Variants in TMEM132E observed in about 807,000 individuals in gnomAD.
TMEM132E encodes transmembrane protein 132E.
A neutral mutation model predicts 78.5 loss-of-function variants in TMEM132E; 49 were observed. That is an observed-to-expected ratio of 0.62 (90% confidence interval 0.50 to 0.79). The LOEUF (loss-of-function observed/expected upper bound fraction) is 0.79, where lower values mean the gene tolerates loss of function less well. Ranked by LOEUF, TMEM132E falls within the 30% of genes least tolerant of loss-of-function variation. The probability of loss-of-function intolerance (pLI) is 0.00; values close to 1 mark genes in which losing one functional copy is unlikely to be tolerated. For synonymous variants in TMEM132E, 715 were observed against 670.6 expected (o/e 1.07, Z -1.02); for missense variants, 1,403 against 1,470.9 (o/e 0.95, Z 0.75).
In TMEM132E at chr17:34,632,788, G is replaced by T. The variant is rs746220341; in HGVS notation, c.1567G>T (p.Val523Phe). The T allele has an allele frequency of 6.2e-7, 1 of 1,614,026 alleles. No individual in the cohort carries two copies. The highest frequency in any genetic ancestry group is 8.5e-7 in the Non-Finnish European group (1 of 1,180,044). ...CGCCAGGGTCACCTTCCGCTACGACGTCCTCAATGCTCCCCTGGAAATGAC... is the reference window on the plus strand; with the variant it reads ...CGCCAGGGTCACCTTCCGCTACGACTTCCTCAATGCTCCCCTGGAAATGAC... ...MNARVTFRYD[V>F]LNAPLEMTVW... The change falls in exon 6 of 9, where the codon GTC becomes TTC. Residue 523 changes from valine to phenylalanine, a missense_variant. This residue lies in a region of TMEM132E where 888 missense variants were observed against 952.8 expected (regional missense o/e 0.93). Transcript: ENST00000631683.
In TMEM132E at chr17:34,638,418, T is replaced by C; in HGVS notation, c.*186T>C. 4 of 616,482 alleles carry C rather than the reference T, an allele frequency of 6.5e-6. No individual in the cohort carries two copies. Among genetic ancestry groups the C allele is most frequent in the Non-Finnish European group, 2.7e-6 (1 of 370,584 alleles). 38.2% of individuals were successfully genotyped at this position (616,482 alleles called of 1,614,324 possible). ...CTGGGCCTTCCCTCGCCTCACGCCA[T>C]TACCCTCTTCTGCCCCCTGCAGGTG... On this transcript the variant is annotated 3_prime_UTR_variant, in exon 9 of 9. Transcript: ENST00000631683.
At chr17:34,581,180 G>T in intron 1 of TMEM132E, 37 bp downstream of exon 1, 1 of 1,487,558 alleles carries the variant, frequency 6.7e-7, no homozygotes, top group Non-Finnish European at 8.9e-7. Flanking sequence ...TGAGGATGCG[G>T]CAGGCGCCAC....
intron 1 of TMEM132E, among the ~76,000 whole-genome samples, chr17:34,607,936 C>G (rs1263721060): frequency 6.6e-6 from 1 of 152,082 alleles, no homozygotes. Context: ...ACCTCCAAAC[C>G]CCGTAGTTTA....
chr17:34,612,696 T>C (rs1906631274), intron 1 of TMEM132E, among the ~76,000 whole-genome samples: 1 of 152,054 alleles, frequency 6.6e-6, no homozygotes, highest in Admixed American at 6.5e-5. Flanking sequence ...CCAGCTCAGG[T>C]CTGGGATCAT....
At chr17:34,636,466 C>T (rs1907524834) in intron 8 of TMEM132E, among the ~76,000 whole-genome samples, 1 of 152,318 alleles carries the variant, frequency 6.6e-6, no homozygotes, top group South Asian at 2.1e-4. Flanking sequence ...GTCACCTCCA[C>T]ATCACCCCCA....
intron 1 of TMEM132E, among the ~76,000 whole-genome samples, chr17:34,625,875 G>A (rs998416386): frequency 2.6e-5 from 4 of 152,234 alleles, no homozygotes; most frequent in Non-Finnish European, 5.9e-5. Context: ...CTATGTCGCA[G>A]GTAAATAAAT....
Position 34,629,108 on chromosome 17 carries a change from C to A in TMEM132E, c.1242C>A (p.Asp414Glu). ...AGCGGAGGATCATGTGGCACATTGA[C>A]TACCGTGGCCACGGCGCCCTGCCTG... ...SVKRRIMWHI[D>E]YRGHGALPDL... is the part of the protein sequence containing the mutation. The change falls in exon 4 of 9, where the codon GAC becomes GAA. Residue 414 changes from aspartate (D) to glutamate (E), a missense_variant. By Grantham distance (45) the Asp-to-Glu change is conservative (BLOSUM62 2). Around this residue, in one of 3 missense-constraint regions of TMEM132E, gnomAD observed 888 missense variants for 952.8 expected, o/e 0.93. Coordinates refer to ENST00000631683, the MANE Select transcript of TMEM132E (RefSeq NM_001304438.2). 6.2e-7 allele frequency: 1 copy of A among 1,613,048 alleles called. No homozygotes were observed. The highest frequency in any genetic ancestry group is 8.5e-7 in the Non-Finnish European group (1 of 1,179,416).
intron 1 of TMEM132E, among the ~76,000 whole-genome samples, chr17:34,593,981 C>G (rs936700792): frequency 6.6e-6 from 1 of 152,182 alleles, no homozygotes; most frequent in Non-Finnish European, 1.5e-5. Context: ...GCCCTTGCTG[C>G]CCCTCGAATA....
chr17:34,601,215 C>T (rs540452376), intron 1 of TMEM132E, among the ~76,000 whole-genome samples: 11 of 152,324 alleles, frequency 7.2e-5, no homozygotes, highest in South Asian at 2.1e-4. Flanking sequence ...AGAAGCAGAG[C>T]GGGTCCAGAG....
In TMEM132E at chr17:34,638,360, C is replaced by G. The variant is rs1567723367; in HGVS notation, c.*128C>G. 4.6e-6 allele frequency: 5 copies of G among 1,085,730 alleles called. No homozygotes were observed. The East Asian group carries it at 1.3e-4, about 29-fold the overall frequency. 67.3% of individuals were successfully genotyped at this position (1,085,730 alleles called of 1,614,324 possible). A position where few individuals can be genotyped will look rare whatever the true frequency, so the allele number is the denominator to read the frequency against. On this transcript the variant is annotated 3_prime_UTR_variant, in exon 9 of 9. Transcript: ENST00000631683. ...GATTTTGTACTCCCTGCCCCTGCAG[C>G]TTGGCTCCGTGCGGAGCGGGCCGCC...
At chr17:34,635,537 T>C (rs763128570) in intron 7 of TMEM132E, among the ~76,000 whole-genome samples, 2 of 152,260 alleles carry the variant, frequency 1.3e-5, no homozygotes, top group Non-Finnish European at 2.9e-5. Flanking sequence ...ATTGATCCAA[T>C]GTGTTTTAAA....
chr17:34,632,314 G>A (rs1320742773), intron 5 of TMEM132E, among the ~76,000 whole-genome samples: 2 of 152,182 alleles, frequency 1.3e-5, no homozygotes, highest in Non-Finnish European at 2.9e-5. Context: ...CATCATAGAG[G>A]ACTCTACCTG....
rs757992923 is a variant in TMEM132E, at chr17:34,626,461, C to G, written c.402C>G (p.His134Gln). 6.2e-7 allele frequency: 1 copy of G among 1,613,076 alleles called. No individual in the cohort carries two copies. Among genetic ancestry groups the G allele is most frequent in the Non-Finnish European group, 8.5e-7 (1 of 1,179,840 alleles). The change falls in exon 2 of 9, where the codon CAC (histidine) becomes CAG (glutamine). Residue 134 changes from histidine to glutamine, a missense_variant. By Grantham distance (24) the His-to-Gln change is conservative. Coordinates refer to ENST00000631683, the MANE Select transcript of TMEM132E (RefSeq NM_001304438.2). ...TGCGGGCCTTCATCGTCCGCTCGCA[C>G]GTGCCCGCCTCGCAGCCCGTGGTCC... ...WKVRAFIVRS[H>Q]VPASQPVVQV...
At chr17:34,599,809 C>T (rs1442277507) in intron 1 of TMEM132E, among the ~76,000 whole-genome samples, 1 of 152,150 alleles carries the variant, frequency 6.6e-6, no homozygotes, top group African/African-American at 2.4e-5. Flanking sequence ...GCAAGGCTTC[C>T]CAAGTGTGGT....
intron 1 of TMEM132E, among the ~76,000 whole-genome samples, chr17:34,584,123 A>G (rs1029927122): frequency 6.6e-6 from 1 of 152,232 alleles, no homozygotes; most frequent in Non-Finnish European, 1.5e-5. Context: ...CTCTAGGATC[A>G]AGGGCACACT....
rs564494886 is a variant in TMEM132E at position 34,589,729 on chromosome 17, G to C, written c.67+8586G>C. Reference sequence around the variant, plus strand: ...ATGTCTGCAAATGCCTTAGTTGGTAGTCCCTCCACCCACAACCGGAGCCCT... The same window carrying C: ...ATGTCTGCAAATGCCTTAGTTGGTACTCCCTCCACCCACAACCGGAGCCCT... On this transcript the variant is annotated intron_variant, in intron 1 of 8. Transcript: ENST00000631683. Among the ~76,000 whole-genome samples, 4 of 152,238 alleles carry C rather than the reference G, an allele frequency of 2.6e-5. No homozygotes were observed. The East Asian group carries it at 7.7e-4, about 29-fold the overall frequency.
At chr17:34,594,715 G>A (rs548590429) in intron 1 of TMEM132E, among the ~76,000 whole-genome samples, 5 of 152,108 alleles carry the variant, frequency 3.3e-5, no homozygotes, top group African/African-American at 9.7e-5. Flanking sequence ...TCAGCCTCCT[G>A]AGTAGTAGCT....
intron 1 of TMEM132E, among the ~76,000 whole-genome samples, chr17:34,584,199 T>A (rs747325247): frequency 2.6e-5 from 4 of 152,246 alleles, no homozygotes; most frequent in African/African-American, 4.8e-5. Context: ...TCAAAGATAC[T>A]GGCCTCTCGC....
intron 1 of TMEM132E, among the ~76,000 whole-genome samples, chr17:34,615,658 C>T (rs972324695): frequency 2.6e-5 from 4 of 151,780 alleles, no homozygotes; most frequent in East Asian, 3.9e-4. Context: ...GTGCTAGGTG[C>T]CAGGGATTAA....
Sources: gnomAD v4.1 joint callset for allele counts (sites outside exome capture counted in the v4.1 genomes callset) on GRCh38, gnomAD v4.1.1 for gene constraint, gnomAD v4.1.1 regional missense constraint, MANE v1.5 for transcripts, NCBI Gene and HGNC (gene_info 2026-07-23, HGNC 2026-07-21) for gene names.